Variants in PLA2G6 observed in about 807,000 individuals in gnomAD.
PLA2G6 encodes the protein 85/88 kDa calcium-independent phospholipase A2.
PLA2G6 carries 62 observed loss-of-function variants against 83.8 expected under a neutral mutation model. That is an observed-to-expected ratio of 0.74 (90% CI 0.60 to 0.91). The LOEUF (loss-of-function observed/expected upper bound fraction) is 0.91. PLA2G6 is among the 40% of genes least tolerant of loss of function. The pLI, the probability that PLA2G6 is intolerant of heterozygous loss-of-function variation, is 0.00. For synonymous variants in PLA2G6, 417 were observed against 449.8 expected (o/e 0.93, Z 0.92); for missense variants, 944 against 1,102.0 (o/e 0.86, Z 2.03).
intron 1 of PLA2G6, among the ~76,000 whole-genome samples, chr22:38,177,854 T>G (rs576372705): frequency 1.3e-5 from 2 of 152,118 alleles, no homozygotes; most frequent in Non-Finnish European, 2.9e-5. Flanking sequence ...GTTACACAGT[T>G]TGCCAGGATC....
chr22:38,143,692 A>G, intron 3 of PLA2G6: 2 of 358,260 alleles, frequency 5.6e-6, no homozygotes, highest in South Asian at 2.3e-5. Flanking sequence ...GTGAGATGAG[A>G]CAGTGCTGTC....
intron 2 of PLA2G6, among the ~76,000 whole-genome samples, chr22:38,168,481 C>T (rs574045787): frequency 1.3e-5 from 2 of 152,356 alleles, no homozygotes; most frequent in African/African-American, 2.4e-5. Flanking sequence ...CAGCATGCCC[C>T]AAGAGGCAAC....
intron 2 of PLA2G6, among the ~76,000 whole-genome samples, chr22:38,168,294 A>G (rs569179151): frequency 6.6e-6 from 1 of 152,208 alleles, no homozygotes; most frequent in Non-Finnish European, 1.5e-5. Context: ...TGGATAGGTG[A>G]GCGGAAACAG....
chr22:38,118,510 G>A (rs1169404593), intron 12 of PLA2G6, among the ~76,000 whole-genome samples: 1 of 152,166 alleles, frequency 6.6e-6, no homozygotes, highest in Admixed American at 6.6e-5. Context: ...TAAACTCATA[G>A]GAAGAGAAAG....
rs923631679 is a variant in PLA2G6 at position 38,173,893 on chromosome 22, T to C, written c.-45-4422A>G. ...GGCAAAACCCTGTCTCTACAAAATA[T>C]AAAATAAAATTAGCTGGGCATGGTG... is the stretch of plus-strand genomic sequence containing the variant. On this transcript the variant is annotated intron_variant, in intron 1 of 16. Transcript: ENST00000332509. Among the ~76,000 whole-genome samples, 5 of 151,696 alleles carry C rather than the reference T, an allele frequency of 3.3e-5. No individual in the cohort carries two copies. The South Asian group carries it at 1.0e-3, about 32-fold the overall frequency.
In PLA2G6 at chr22:38,168,798, C is replaced by T. The variant is rs11570612; in HGVS notation, c.209+420G>A. On this transcript the variant is annotated intron_variant, in intron 2 of 16. Coordinates refer to ENST00000332509, the MANE Select transcript of PLA2G6 (RefSeq NM_003560.4). ...CTGGGAGGCAGAGGTTGCAGTGAGC[C>T]GAGATTGCGCCACTGCACTCCAGCC... 4.9e-3 allele frequency among the ~76,000 whole-genome samples: 745 copies of T among 152,208 alleles called. 3 individuals carry two copies. Among genetic ancestry groups the T allele is most frequent in the African/African-American group, 0.017 (721 of 41,514 alleles).
chr22:38,117,517 T>A (rs1348545132), intron 12 of PLA2G6, among the ~76,000 whole-genome samples: 1 of 151,926 alleles, frequency 6.6e-6, no homozygotes, highest in Non-Finnish European at 1.5e-5. Flanking sequence ...CAAAATATGA[T>A]CAAACTGAAC....
At chr22:38,176,527 C>T (rs542965852) in intron 1 of PLA2G6, among the ~76,000 whole-genome samples, 21 of 152,326 alleles carry the variant, frequency 1.4e-4, no homozygotes, top group Admixed American at 3.9e-4. Flanking sequence ...CCCTCCTGAG[C>T]ACCCTCCTCC....
intron 1 of PLA2G6, among the ~76,000 whole-genome samples, chr22:38,176,768 T>C (rs1215073064): frequency 1.1e-4 from 17 of 152,126 alleles, no homozygotes; most frequent in Admixed American, 1.1e-3. Context: ...CCGGGCGCGG[T>C]GGCTCACACC....
chr22:38,145,112 G>A (rs2089172047), intron 3 of PLA2G6: 3 of 357,884 alleles, frequency 8.4e-6, no homozygotes, highest in Admixed American at 4.0e-5. Context: ...TGCAATCATA[G>A]CTCACTGTAA....
intron 2 of PLA2G6, among the ~76,000 whole-genome samples, chr22:38,155,919 T>C (rs1217857608): frequency 1.3e-5 from 2 of 152,158 alleles, no homozygotes; most frequent in South Asian, 4.1e-4. Context: ...CAGTGATCTG[T>C]TGCCTACATG....
Position 38,114,181 on chromosome 22 carries a change from C to CTTT in PLA2G6, c.2035-530_2035-528dup, listed in dbSNP as rs892300892. ...CTTGAACCTGAGCCCTGGGTGCTGC[C>CTTT]TTTTTTTTTTTTTTTTTGAGACGGA... On this transcript the variant is annotated intron_variant, in intron 14 of 16. Coordinates refer to ENST00000332509, the MANE Select transcript of PLA2G6 (RefSeq NM_003560.4). Among the ~76,000 whole-genome samples, 58 of 137,574 alleles carry CTTT rather than the reference C, an allele frequency of 4.2e-4. 1 individual carries two copies. The highest frequency in any genetic ancestry group is 1.5e-3 in the African/African-American group (55 of 37,672). The allele number at this position is 137,574 out of a possible 152,430, so 90.3% of individuals were successfully genotyped here.
intron 2 of PLA2G6, chr22:38,149,734 G>C (rs926912108): frequency 1.3e-5 from 2 of 152,182 alleles, no homozygotes; most frequent in Non-Finnish European, 2.9e-5. Context: ...CCTGAGGTCA[G>C]GAATTCCAGA....
At chr22:38,127,221 TC>T in intron 9 of PLA2G6, 1 of 1,192,360 alleles carries the variant, frequency 8.4e-7, no homozygotes. Flanking sequence ...TGTCTCCCCC[TC>T]CCCAGGGCAC....
At chr22:38,145,949 C>A in intron 2 of PLA2G6, 1 of 405,116 alleles carries the variant, frequency 2.5e-6, no homozygotes, top group Non-Finnish European at 4.7e-6. Flanking sequence ...TCATGACTCA[C>A]TGCATCTTCG....
chr22:38,140,070 G>A lies in PLA2G6; in HGVS notation c.709C>T (p.Arg237Cys), dbSNP rs745526353. 8.1e-6 allele frequency: 13 copies of A among 1,613,908 alleles called. No homozygotes were observed. Among genetic ancestry groups the A allele is most frequent in the African/African-American group, 2.7e-5 (2 of 74,906 alleles). Residue 237 changes from arginine to cysteine, a missense_variant, in exon 5 of 17, where the codon CGC becomes TGC. By Grantham distance (180) the Arg-to-Cys change is radical. Coordinates refer to ENST00000332509, the MANE Select transcript of PLA2G6 (RefSeq NM_003560.4). ...ACQLGKQEMV[R>C]VLLLCNARCN... is the part of the protein sequence containing the mutation. ...CGAGCATTGCACAGCAGCAGCACGCGGACCATCTCCTGCTTCCCCAGCTGG... is the reference window on the plus strand; with the variant it reads ...CGAGCATTGCACAGCAGCAGCACGCAGACCATCTCCTGCTTCCCCAGCTGG...
At chr22:38,144,743 G>A (rs953703175) in intron 3 of PLA2G6, 1 of 154,952 alleles carries the variant, frequency 6.5e-6, no homozygotes, top group African/African-American at 2.4e-5. Context: ...AGGAGGCAGA[G>A]GGTGCAGTGA....
intron 1 of PLA2G6, among the ~76,000 whole-genome samples, chr22:38,178,897 C>G (rs971777623): frequency 8.4e-6 from 1 of 119,452 alleles, no homozygotes; most frequent in Middle Eastern, 4.3e-3. Flanking sequence ...CCAAAAAAAA[C>G]CCCACAAAAT....
At chr22:38,171,172 C>CAA (rs35530438) in intron 1 of PLA2G6, among the ~76,000 whole-genome samples, 1,137 of 104,970 alleles carry the variant, frequency 0.011, 17 homozygotes, top group African/African-American at 0.035. Context: ...AACTCCGTCT[C>CAA]AAAAAAAAAA....
Sources: gnomAD v4.1 joint callset for allele counts (sites outside exome capture counted in the v4.1 genomes callset) on GRCh38, gnomAD v4.1.1 for gene constraint, MANE v1.5 for transcripts, NCBI Gene and HGNC (gene_info 2026-07-23, HGNC 2026-07-21) for gene names.